Variants in RARB observed in about 807,000 individuals in gnomAD.
The protein encoded by RARB is retinoic acid receptor beta.
A neutral mutation model predicts 51.9 loss-of-function variants in RARB; 17 were observed. That is an observed-to-expected ratio of 0.33 (90% CI 0.22 to 0.49). RARB has a LOEUF of 0.49. RARB is among the 20% of genes least tolerant of loss of function. The pLI is 0.99. For missense variants in RARB, 369 were observed against 550.8 expected (o/e 0.67, Z 3.30); for synonymous variants, 215 against 195.4 (o/e 1.10, Z -0.84).
At chr3:25,566,326 T>A (rs1700493731) in intron 3 of RARB, among the ~76,000 whole-genome samples, 2 of 152,200 alleles carry the variant, frequency 1.3e-5, no homozygotes, top group South Asian at 4.1e-4. Flanking sequence ...GTGGAAGAAT[T>A]TGTGATAATC....
intron 5 of RARB, among the ~76,000 whole-genome samples, chr3:25,397,150 C>T (rs1195394171): frequency 6.6e-6 from 1 of 152,088 alleles, no homozygotes; most frequent in Non-Finnish European, 1.5e-5. Flanking sequence ...CTACTGGCAG[C>T]CCTCCCCAAG....
At chr3:25,272,016 A>T (rs991274363) in intron 5 of RARB, among the ~76,000 whole-genome samples, 1 of 152,240 alleles carries the variant, frequency 6.6e-6, no homozygotes, top group Non-Finnish European at 1.5e-5. Context: ...AAGTTTAAAG[A>T]TAAAATAATT....
intron 4 of RARB, among the ~76,000 whole-genome samples, chr3:25,158,179 A>G (rs753294412): frequency 6.6e-6 from 1 of 152,186 alleles, no homozygotes; most frequent in African/African-American, 2.4e-5. Flanking sequence ...TTTCCTTACA[A>G]ACTTTCCTTC....
chr3:25,037,454 A>C (rs559706969), intron 2 of RARB, among the ~76,000 whole-genome samples: 1 of 152,244 alleles, frequency 6.6e-6, no homozygotes, highest in African/African-American at 2.4e-5. Flanking sequence ...CACTGCAATG[A>C]GAGATAAAAC....
At chr3:25,391,396 T>C (rs1314688649) in intron 5 of RARB, among the ~76,000 whole-genome samples, 2 of 152,286 alleles carry the variant, frequency 1.3e-5, no homozygotes, top group Middle Eastern at 3.4e-3. Context: ...CTTCTTTTCC[T>C]CTAGGTAAAT....
intron 2 of RARB, among the ~76,000 whole-genome samples, chr3:24,935,680 G>C (rs768578530): frequency 2.2e-4 from 34 of 152,170 alleles, no homozygotes; most frequent in Non-Finnish European, 4.1e-4. Context: ...CTTATGATGG[G>C]AAATCGGTGG....
chr3:25,058,061 T>A (rs1460158452), intron 2 of RARB, among the ~76,000 whole-genome samples: 1 of 151,928 alleles, frequency 6.6e-6, no homozygotes, highest in East Asian at 1.9e-4. Flanking sequence ...AAAATTGACT[T>A]TAGAGCATAA....
chr3:25,523,006 A>G (rs1252630240), intron 3 of RARB, among the ~76,000 whole-genome samples: 1 of 152,190 alleles, frequency 6.6e-6, no homozygotes, highest in African/African-American at 2.4e-5. Context: ...TATTTGACAC[A>G]AAGAAATGTT....
intron 5 of RARB, among the ~76,000 whole-genome samples, chr3:25,247,334 C>G (rs1702588864): frequency 6.6e-6 from 1 of 152,206 alleles, no homozygotes; most frequent in Non-Finnish European, 1.5e-5. Flanking sequence ...ATGAACTGTT[C>G]TGTCTTGCTG....
intron 5 of RARB, among the ~76,000 whole-genome samples, chr3:25,326,899 T>C (rs1704735128): frequency 1.3e-5 from 2 of 152,148 alleles, no homozygotes; most frequent in South Asian, 4.1e-4. Context: ...GCAGGTTTGT[T>C]ACATACGTAT....
intron 2 of RARB, among the ~76,000 whole-genome samples, chr3:24,929,315 C>T (rs547855240): frequency 2.0e-4 from 30 of 152,062 alleles, no homozygotes; most frequent in Non-Finnish European, 3.1e-4. Flanking sequence ...GAAATCTCTG[C>T]GTTTGCACAT....
intron 1 of RARB, among the ~76,000 whole-genome samples, chr3:24,844,758 A>G (rs6774513): frequency 0.17 from 26,026 of 152,102 alleles, 2,723 homozygotes; most frequent in East Asian, 0.38. Context: ...AGTTCATACC[A>G]TTATTCTCTG....
intron 5 of RARB, among the ~76,000 whole-genome samples, chr3:25,272,962 A>T (rs992909639): frequency 2.6e-5 from 4 of 152,202 alleles, no homozygotes; most frequent in Non-Finnish European, 4.4e-5. Context: ...CTAAGCCAGT[A>T]CAACTGTTCA....
At chr3:25,175,910 G>T (rs1408838954) in intron 5 of RARB, among the ~76,000 whole-genome samples, 2 of 152,164 alleles carry the variant, frequency 1.3e-5, no homozygotes, top group African/African-American at 4.8e-5. Context: ...CATAGTACCA[G>T]TACTCAAAAT....
intron 5 of RARB, among the ~76,000 whole-genome samples, chr3:25,224,288 G>C (rs939457059): frequency 6.6e-6 from 1 of 152,136 alleles, no homozygotes; most frequent in African/African-American, 2.4e-5. Context: ...AAACCTAAGA[G>C]GACTGCTAGT....
intron 5 of RARB, among the ~76,000 whole-genome samples, chr3:25,419,453 G>A (rs1370525299): frequency 6.6e-6 from 1 of 152,126 alleles, no homozygotes; most frequent in Admixed American, 6.6e-5. Flanking sequence ...CCAAACTTGG[G>A]CCTCCTCAAG....
At chr3:25,203,656 G>C (rs1292944963) in intron 5 of RARB, among the ~76,000 whole-genome samples, 1 of 152,138 alleles carries the variant, frequency 6.6e-6, no homozygotes, top group Non-Finnish European at 1.5e-5. Context: ...GCATTTGCTT[G>C]TCTGTAAAGG....
intron 2 of RARB, among the ~76,000 whole-genome samples, chr3:24,873,910 A>G (rs1000333793): frequency 1.3e-5 from 2 of 152,060 alleles, no homozygotes; most frequent in African/African-American, 4.8e-5. Context: ...TAGGTTTTGC[A>G]TCCATGGATT....
chr3:25,512,695 G>A (rs780045359), intron 3 of RARB, among the ~76,000 whole-genome samples: 15 of 152,276 alleles, frequency 9.9e-5, no homozygotes, highest in South Asian at 2.1e-4. Context: ...GCACATACAC[G>A]CGACACACTT....
Sources: allele counts gnomAD v4.1 joint callset (sites outside exome capture counted in the v4.1 genomes callset), GRCh38; gene constraint gnomAD v4.1.1; transcripts MANE v1.5; gene names NCBI Gene and HGNC (gene_info 2026-07-23, HGNC 2026-07-21).